The following SP140 variants were observed in gnomAD, a reference collection of about 807,000 sequenced individuals.
The protein encoded by SP140 is nuclear body protein SP140.
Under a neutral mutation model 125.0 loss-of-function variants are expected in SP140, and 81 were observed. The ratio of observed to expected loss-of-function variants is 0.65; its 90% CI spans 0.54 to 0.78. SP140 has a LOEUF of 0.78. SP140 is among the 30% of genes least tolerant of loss of function. The pLI, the probability that SP140 is intolerant of heterozygous loss-of-function variation, is 0.00. For missense variants in SP140, 858 were observed against 1,037.0 expected, an observed-to-expected ratio of 0.83 and a Z score of 2.37; for synonymous variants, 312 against 354.0, an observed-to-expected ratio of 0.88 and a Z score of 1.33.
At chr2:230,226,742 A>G (rs1309485507) in intron 1 of SP140, among the ~76,000 whole-genome samples, 4 of 138,482 alleles carry the variant, frequency 2.9e-5, no homozygotes, top group African/African-American at 1.1e-4. Context: ...AGCCTGGGCA[A>G]CAAGAGTGAA....
chr2:230,309,196 A>G (rs1400537052), intron 22 of SP140, among the ~76,000 whole-genome samples: 1 of 152,218 alleles, frequency 6.6e-6, no homozygotes, highest in Non-Finnish European at 1.5e-5. Flanking sequence ...GGCCCAGGAA[A>G]TGAGGTGAGG....
chr2:230,197,575 T>C, the SP140 span, among the ~76,000 whole-genome samples: 1 of 150,498 alleles, frequency 6.6e-6, no homozygotes, highest in Non-Finnish European at 1.5e-5. Context: ...ATTTTGTCTT[T>C]TGTTGCCATT....
intron 1 of SP140, among the ~76,000 whole-genome samples, chr2:230,228,079 G>T (rs1399245938): frequency 6.6e-6 from 1 of 151,768 alleles, no homozygotes; most frequent in Non-Finnish European, 1.5e-5. Flanking sequence ...TGCTTTTGTT[G>T]CATCCCATTC....
chr2:230,218,905 G>A (rs868336432), intron 3 of SP140, among the ~76,000 whole-genome samples: 2 of 151,960 alleles, frequency 1.3e-5, no homozygotes, highest in African/African-American at 4.8e-5. Context: ...TGAATAATAC[G>A]ATAAGCATGT....
At chr2:230,250,851 T>C in intron 9 of SP140, 130 bp from the exon 10 acceptor site, 3 of 911,268 alleles carry the variant, frequency 3.3e-6, no homozygotes, top group Non-Finnish European at 5.1e-6. Flanking sequence ...TGAACCCACC[T>C]ACAGAACCCA....
At position 230,247,971 on chromosome 2, in the gene SP140, G is replaced by A; in HGVS notation, c.798G>A (p.Gly266=). Residue 266 remains glycine (G), a synonymous_variant, in exon 8 of 27, where the codon GGG becomes GGA. Transcript: ENST00000392045. The part of the protein sequence containing the change: ...DAARTYSTAP[G]EKQGEEEGRN... ...CAAGGACATACAGCACAGCACCAGGGGAGAAACAGGGAGAGGAGGAAGGCA... is the reference window on the plus strand; with the variant it reads ...CAAGGACATACAGCACAGCACCAGGAGAGAAACAGGGAGAGGAGGAAGGCA... 6.2e-7 allele frequency: 1 copy of A among 1,613,894 alleles called. No homozygotes were observed. Among genetic ancestry groups the A allele is most frequent in the Non-Finnish European group, 8.5e-7 (1 of 1,179,886 alleles).
At chr2:230,276,863 A>G (rs1469597032) in intron 15 of SP140, among the ~76,000 whole-genome samples, 1 of 152,218 alleles carries the variant, frequency 6.6e-6, no homozygotes, top group Non-Finnish European at 1.5e-5. Flanking sequence ...TCAACACATC[A>G]GTGAAGAAGT....
chr2:230,197,686 GT>G, the SP140 span, among the ~76,000 whole-genome samples: 1 of 151,496 alleles, frequency 6.6e-6, no homozygotes, highest in Non-Finnish European at 1.5e-5. Context: ...GGTCTAACAT[GT>G]AAGTCTTTAA....
At chr2:230,250,244 A>G (rs551879333) in intron 9 of SP140, among the ~76,000 whole-genome samples, 1 of 152,316 alleles carries the variant, frequency 6.6e-6, no homozygotes, top group East Asian at 1.9e-4. Context: ...TGTCAATCAG[A>G]TCATTTTCTT....
chr2:230,212,473 T>A (rs2044600330), intron 1 of SP140: 2 of 1,440,210 alleles, frequency 1.4e-6, no homozygotes, highest in Non-Finnish European at 2.0e-6. Flanking sequence ...AGGGACTGGA[T>A]GTCAGGGAGA....
At chr2:230,210,693 C>G (rs946705254) in intron 1 of SP140, among the ~76,000 whole-genome samples, 1 of 152,198 alleles carries the variant, frequency 6.6e-6, no homozygotes, top group Admixed American at 6.5e-5. Flanking sequence ...GAACTTGAAG[C>G]CATAACAAAT....
At chr2:230,220,237 A>G (rs2045696431) in intron 3 of SP140, 1 of 185,046 alleles carries the variant, frequency 5.4e-6, no homozygotes, top group Non-Finnish European at 1.0e-5. Flanking sequence ...GGCAATAGGA[A>G]CTGGGAACTC....
At chr2:230,279,360 T>C (rs1351238520) in intron 15 of SP140, among the ~76,000 whole-genome samples, 1 of 151,984 alleles carries the variant, frequency 6.6e-6, no homozygotes, top group African/African-American at 2.4e-5. Context: ...ATAGTCAAAG[T>C]AATTTTGAAA....
the SP140 span, among the ~76,000 whole-genome samples, chr2:230,191,561 C>A: frequency 1.3e-4 from 20 of 152,094 alleles, no homozygotes; most frequent in East Asian, 7.7e-4. Context: ...TGGACACATA[C>A]ACCCTATCAA....
rs956314907 is a variant in SP140, at chr2:230,243,873, T to C, written c.571+62T>C. ...GGTGTCAGGAGGTGGAATTCAGAGC[T>C]GGTGTTTCCTAATGCATTTTACTCT... On this transcript the variant is annotated intron_variant, in intron 5 of 26. Transcript: ENST00000392045. 6 of 1,153,084 alleles carry C rather than the reference T, an allele frequency of 5.2e-6. No individual in the cohort carries two copies. The African/African-American group carries it at 9.1e-5, about 18-fold the overall frequency. 71.4% of individuals were successfully genotyped at this position (1,153,084 alleles called of 1,614,324 possible).
intron 26 of SP140, 98 bp from the exon 27 acceptor site, chr2:230,312,485 CTTT>C (rs3086614): frequency 7.3e-6 from 5 of 681,242 alleles, no homozygotes; most frequent in Non-Finnish European, 9.6e-6. Context: ...ACTTACAGTA[CTTT>C]TTTTTTTAAA....
Position 230,226,555 on chromosome 2 carries a change from G to A in SP140, c.59+652G>A, listed in dbSNP as rs1017381589. On this transcript the variant is annotated intron_variant, in intron 1 of 26. Transcript: ENST00000392045. ...TGGAAATCATCTTTAAAAAATGTAA[G>A]ACAATGAGACCAGTCTGACCAACGT... Among the ~76,000 whole-genome samples, 3 of 152,010 alleles carry A rather than the reference G, an allele frequency of 2.0e-5. No individual in the cohort carries two copies. The East Asian group carries it at 5.8e-4, about 29-fold the overall frequency.
In SP140 at chr2:230,212,802, A is replaced by C. The variant is rs77642505; in HGVS notation, c.-322-852A>C. 941 of 1,614,184 alleles carry C rather than the reference A, an allele frequency of 5.8e-4. 9 individuals carry two copies. The East Asian group carries it at 0.018, about 31-fold the overall frequency. On this transcript the variant is annotated intron_variant, in intron 1 of 4. Transcript: ENST00000456542. ...TTCCTGGATGAGTGCAGGGAGAGGC[A>C]GGACAGGGTCAGATGGGCTGGGCGA...
chr2:230,263,968 A>G (rs890876140), intron 12 of SP140, among the ~76,000 whole-genome samples: 7 of 152,110 alleles, frequency 4.6e-5, no homozygotes, highest in Non-Finnish European at 7.4e-5. Context: ...TCTTTTTATG[A>G]TGAATTTCCC....
Sources: gnomAD v4.1 joint callset for allele counts (sites outside exome capture counted in the v4.1 genomes callset) on GRCh38, gnomAD v4.1.1 for gene constraint, MANE v1.5 for transcripts, NCBI Gene and HGNC (gene_info 2026-07-23, HGNC 2026-07-21) for gene names.